The following NUP160 variants were observed in gnomAD, a reference collection of about 807,000 sequenced individuals.
NUP160 encodes nuclear pore complex protein Nup160.
NUP160 carries 94 observed loss-of-function variants against 196.9 expected under a neutral mutation model. The observed-to-expected ratio is 0.48, with a 90% CI of 0.40 to 0.57. NUP160 has a LOEUF of 0.57. Among genes scored for constraint, NUP160 ranks in the 20% least tolerant of loss-of-function variants. The pLI, the probability that NUP160 is intolerant of heterozygous loss-of-function variation, is 0.00. For synonymous variants in NUP160, 605 were observed against 619.7 expected (o/e 0.98, Z 0.35); for missense variants, 1,638 against 1,748.3 (o/e 0.94, Z 1.13).
chr11:47,787,122 CT>C (rs1165764842), intron 31 of NUP160: 1 of 147,744 alleles, frequency 6.8e-6, no homozygotes, highest in Non-Finnish European at 1.5e-5. Flanking sequence ...GAGTCTCGCT[CT>C]GTTGCCCAGG....
intron 7 of NUP160, chr11:47,827,139 G>A (rs1006202072): frequency 8.8e-6 from 4 of 455,974 alleles, no homozygotes; most frequent in East Asian, 7.0e-5. Context: ...AGCCGAGGTG[G>A]GTGGACTGCT....
At chr11:47,813,369 T>C in exon 14 of NUP160, 2 of 1,612,426 alleles carry the variant, frequency 1.2e-6, no homozygotes, top group Non-Finnish European at 1.7e-6. Flanking sequence ...AGGCAGGAGA[T>C]ACAAATGATC....
Position 47,816,731 on chromosome 11 carries a change from G to A in NUP160, c.1432-702C>T, listed in dbSNP as rs181639388. ...GCAGAGGTTGCAGTGAGCCAAGATC[G>A]TGCCACCGCACTCCAGCCTGGGCAA... On this transcript the variant is annotated intron_variant, in intron 11 of 35. Coordinates refer to ENST00000378460, the Ensembl canonical transcript of NUP160. Among the ~76,000 whole-genome samples, 24 of 151,636 alleles carry A rather than the reference G, an allele frequency of 1.6e-4. 1 individual carries two copies. In the East Asian group the frequency reaches 2.9e-3, roughly 18 times the overall value.
At chr11:47,798,290 A>G in intron 24 of NUP160, 28 bp from the exon 25 acceptor site, 2 of 1,559,646 alleles carry the variant, frequency 1.3e-6, no homozygotes, top group Middle Eastern at 3.4e-4. Flanking sequence ...ATCAAATATC[A>G]AAAAGAGCAA....
chr11:47,798,619 C>T (rs1376874749), intron 23 of NUP160, among the ~76,000 whole-genome samples, 156 bp from the exon 24 acceptor site: 1 of 151,992 alleles, frequency 6.6e-6, no homozygotes, highest in African/African-American at 2.4e-5. Flanking sequence ...AGCAGGATTG[C>T]TCAAGGCCAG....
At chr11:47,811,416 G>C (rs1212579192) in intron 17 of NUP160, among the ~76,000 whole-genome samples, 1 of 151,672 alleles carries the variant, frequency 6.6e-6, no homozygotes, top group Non-Finnish European at 1.5e-5. Flanking sequence ...GGCTGAGGCA[G>C]GAGAATTGCT....
At chr11:47,781,627 T>C (rs529752965) in intron 34 of NUP160, among the ~76,000 whole-genome samples, 6 of 152,260 alleles carry the variant, frequency 3.9e-5, no homozygotes, top group African/African-American at 9.6e-5. Context: ...TCTATTATAT[T>C]TGCCATCTGT....
intron 7 of NUP160, chr11:47,827,228 G>A: frequency 2.2e-6 from 1 of 444,792 alleles, no homozygotes; most frequent in Middle Eastern, 5.7e-4. Flanking sequence ...GCCATGTGTG[G>A]TCGCACACAC....
chr11:47,828,185 C>T (rs1015769025), intron 7 of NUP160, among the ~76,000 whole-genome samples: 1 of 152,110 alleles, frequency 6.6e-6, no homozygotes, highest in African/African-American at 2.4e-5. Flanking sequence ...TTGCAAGTGA[C>T]ATTATCTTGT....
intron 6 of NUP160, among the ~76,000 whole-genome samples, chr11:47,836,645 G>A (rs963708732): frequency 2.0e-5 from 3 of 152,028 alleles, no homozygotes; most frequent in Non-Finnish European, 4.4e-5. Flanking sequence ...AGTGAAAGGT[G>A]TACTTTGTAC....
rs1038418034 is a variant in NUP160, at chr11:47,789,943, A to G, written c.3512-1332T>C. Among the ~76,000 whole-genome samples the G allele has an allele frequency of 3.0e-5, 4 of 135,154 alleles. No homozygotes were observed. The Admixed American group carries it at 3.0e-4, about 10-fold the overall frequency. 88.7% of individuals were successfully genotyped at this position (135,154 alleles called of 152,430 possible). A position where few individuals can be genotyped will look rare whatever the true frequency, so the allele number is the denominator to read the frequency against. On this transcript the variant is annotated intron_variant, in intron 29 of 35. Transcript: ENST00000378460. ...ACATATTTTGTATTTTATATACTGT[A>G]CTTTTTTTTTTTTTTTTTTGAGACA...
At chr11:47,844,831 T>C (rs916635274) in intron 2 of NUP160, among the ~76,000 whole-genome samples, 3 of 152,140 alleles carry the variant, frequency 2.0e-5, no homozygotes, top group Admixed American at 6.5e-5. Context: ...CAGGATGAGA[T>C]AGGAGGTCAG....
intron 2 of NUP160, among the ~76,000 whole-genome samples, chr11:47,847,397 G>A (rs1303646925): frequency 6.6e-6 from 1 of 152,116 alleles, no homozygotes; most frequent in Non-Finnish European, 1.5e-5. Flanking sequence ...CCCATGAAAA[G>A]TGGGTCTACA....
At chr11:47,780,639 C>A (rs2097660183) in intron 34 of NUP160, among the ~76,000 whole-genome samples, 192 bp from the exon 35 acceptor site, 1 of 150,532 alleles carries the variant, frequency 6.6e-6, no homozygotes, top group East Asian at 2.0e-4. Flanking sequence ...TGGGCTCAAG[C>A]AATTCTTGTG....
At chr11:47,835,691 A>G in exon 7 of NUP160, 4 of 1,603,170 alleles carry the variant, frequency 2.5e-6, no homozygotes, top group South Asian at 1.1e-5. Context: ...CCCCAGGTAG[A>G]GTCCCATGGT....
intron 22 of NUP160, 114 bp from the exon 23 acceptor site, chr11:47,802,044 G>A: frequency 1.1e-6 from 1 of 886,876 alleles, no homozygotes; most frequent in Non-Finnish European, 1.7e-6. Context: ...TACTTAACAT[G>A]GTCTACTCTA....
intron 11 of NUP160, among the ~76,000 whole-genome samples, chr11:47,817,507 C>T (rs1020898338): frequency 2.0e-5 from 3 of 151,926 alleles, no homozygotes; most frequent in East Asian, 1.9e-4. Flanking sequence ...CCACCACGCC[C>T]GGCTAATTTT....
At chr11:47,820,256 TG>T (rs1321736072) in intron 9 of NUP160, 1 of 152,224 alleles carries the variant, frequency 6.6e-6, no homozygotes, top group African/African-American at 2.4e-5. Context: ...GTGACACTAA[TG>T]TTAAGTTCTG....
At chr11:47,778,344 AC>A (rs1296362265) in exon 36 of NUP160, 2 of 152,638 alleles carry the variant, frequency 1.3e-5, no homozygotes, top group Non-Finnish European at 2.9e-5. Flanking sequence ...AATGAAGTTT[AC>A]ATTTTGGTCC....
Sources: allele counts gnomAD v4.1 joint callset (sites outside exome capture counted in the v4.1 genomes callset), GRCh38; gene constraint gnomAD v4.1.1; transcripts MANE v1.5; gene names NCBI Gene and HGNC (gene_info 2026-07-23, HGNC 2026-07-21).